Variants in SAMD5 observed in about 807,000 individuals in gnomAD.
The protein encoded by SAMD5 is sterile alpha motif domain containing 5, also known as sterile alpha motif domain-containing protein 5.
A neutral mutation model predicts 11.3 loss-of-function variants in SAMD5; 13 were observed. That is an observed-to-expected ratio of 1.15 (90% CI 0.75 to 1.83). The LOEUF (loss-of-function observed/expected upper bound fraction) is 1.83, where lower values mean the gene tolerates loss of function less well. SAMD5 is among the 40% of genes most tolerant of loss of function. The pLI, the probability that SAMD5 is intolerant of heterozygous loss-of-function variation, is 0.00. For missense variants in SAMD5, 255 were observed against 239.1 expected (o/e 1.07, Z -0.44); for synonymous variants, 129 against 111.3 (o/e 1.16, Z -1.00).
chr6:147,835,501 C>T, the SAMD5 span, among the ~76,000 whole-genome samples: 1 of 152,166 alleles, frequency 6.6e-6, no homozygotes, highest in South Asian at 2.1e-4. Context: ...TATGCCTTTA[C>T]CCTCTTTAGA....
chr6:147,851,717 A>G, the SAMD5 span, among the ~76,000 whole-genome samples: 1 of 152,296 alleles, frequency 6.6e-6, no homozygotes, highest in East Asian at 1.9e-4. Context: ...AAAAATTTTG[A>G]GAATATATTT....
the SAMD5 span, among the ~76,000 whole-genome samples, chr6:147,791,512 A>G: frequency 2.0e-5 from 3 of 152,142 alleles, no homozygotes; most frequent in African/African-American, 7.2e-5. Flanking sequence ...CTTTATGAAT[A>G]CAGCTTGTCT....
the SAMD5 span, among the ~76,000 whole-genome samples, chr6:147,793,646 T>C: frequency 1.3e-5 from 2 of 152,300 alleles, no homozygotes; most frequent in Middle Eastern, 3.4e-3. Context: ...AACAAATTTA[T>C]TGGTACCTAT....
intron 1 of SAMD5, among the ~76,000 whole-genome samples, chr6:147,682,422 C>A (rs1311875542): frequency 6.6e-6 from 1 of 152,070 alleles, no homozygotes; most frequent in South Asian, 2.1e-4. Context: ...TTTGATTGGT[C>A]CACAGTTGGT....
At chr6:147,774,763 AATCTGT>A in the SAMD5 span, among the ~76,000 whole-genome samples, 1 of 152,114 alleles carries the variant, frequency 6.6e-6, no homozygotes, top group Non-Finnish European at 1.5e-5. Context: ...CAGTTGGTTG[AATCTGT>A]GGATGTGGAA....
At chr6:147,694,880 T>C (rs563237562) in intron 1 of SAMD5, among the ~76,000 whole-genome samples, 1 of 152,296 alleles carries the variant, frequency 6.6e-6, no homozygotes, top group African/African-American at 2.4e-5. Context: ...TTCTGGAAAT[T>C]CTGAACTCAT....
At chr6:147,713,070 G>A (rs1027776729) in intron 1 of SAMD5, among the ~76,000 whole-genome samples, 1 of 152,148 alleles carries the variant, frequency 6.6e-6, no homozygotes, top group African/African-American at 2.4e-5. Context: ...GTGATGTCAA[G>A]CATGTTGCTA....
At chr6:147,721,269 G>A (rs1204832244) in intron 1 of SAMD5, among the ~76,000 whole-genome samples, 18 of 142,000 alleles carry the variant, frequency 1.3e-4, no homozygotes, top group Non-Finnish European at 1.2e-4. Context: ...CTGAGGAATC[G>A]CCACACTGAC....
At chr6:147,663,297 AAC>A (rs1298326006) in intron 1 of SAMD5, among the ~76,000 whole-genome samples, 4 of 152,180 alleles carry the variant, frequency 2.6e-5, no homozygotes, top group African/African-American at 7.2e-5. Context: ...TAGAGGGACT[AAC>A]ACACTCTGAG....
In SAMD5 at chr6:147,721,501, T is replaced by G. The variant is rs139219058; in HGVS notation, c.163-15816T>G. On this transcript the variant is annotated intron_variant, in intron 1 of 1. Transcript: ENST00000566741. ...TTTTGACTGCATAAATGTGTTCTTT[T>G]GAGAAGTGTCTGTTCATATCCTTTG... Among the ~76,000 whole-genome samples, 1,039 of 152,376 alleles carry G rather than the reference T, an allele frequency of 6.8e-3. 11 individuals carry two copies. Among genetic ancestry groups the G allele is most frequent in the African/African-American group, 0.024 (993 of 41,592 alleles).
At chr6:147,625,160 A>G (rs1790032476) in intron 1 of SAMD5, among the ~76,000 whole-genome samples, 1 of 152,280 alleles carries the variant, frequency 6.6e-6, no homozygotes, top group African/African-American at 2.4e-5. Flanking sequence ...GATTATCCGC[A>G]TACATATCCC....
At chr6:147,804,264 C>G in the SAMD5 span, among the ~76,000 whole-genome samples, 1 of 151,914 alleles carries the variant, frequency 6.6e-6, no homozygotes, top group African/African-American at 2.4e-5. Flanking sequence ...CACACCACCA[C>G]ACCCAGCTAA....
chr6:147,745,359 ATGTCT>A, the SAMD5 span, among the ~76,000 whole-genome samples: 1 of 152,342 alleles, frequency 6.6e-6, no homozygotes, highest in East Asian at 1.9e-4. Context: ...ATGGAAAAAA[ATGTCT>A]TTACTGGAAA....
chr6:147,913,204 A>G, the SAMD5 span, among the ~76,000 whole-genome samples: 1 of 152,216 alleles, frequency 6.6e-6, no homozygotes, highest in East Asian at 1.9e-4. Context: ...AACCACAATC[A>G]GTGCAAAAAA....
chr6:147,862,252 G>C, the SAMD5 span, among the ~76,000 whole-genome samples: 1 of 151,856 alleles, frequency 6.6e-6, no homozygotes, highest in East Asian at 1.9e-4. Flanking sequence ...TTTCTCCCTC[G>C]AGAGTATGTT....
chr6:147,557,654 T>C lies in SAMD5; in HGVS notation c.460-6740T>C, dbSNP rs146558662. ...CCCTAAATCCAGGATAATTTCATCTTGAGATCCTTAATTAAGAACATCTGC... is the reference window on the plus strand; with the variant it reads ...CCCTAAATCCAGGATAATTTCATCTCGAGATCCTTAATTAAGAACATCTGC... On this transcript the variant is annotated intron_variant, in intron 1 of 1. Coordinates refer to ENST00000367474, the MANE Select transcript of SAMD5 (RefSeq NM_001030060.3). Among the ~76,000 whole-genome samples, 633 of 152,344 alleles carry C rather than the reference T, an allele frequency of 4.2e-3. 2 individuals are homozygous for C. The highest frequency in any genetic ancestry group is 0.014 in the African/African-American group (594 of 41,568).
At chr6:147,679,302 T>C (rs1790907579) in intron 1 of SAMD5, among the ~76,000 whole-genome samples, 1 of 152,150 alleles carries the variant, frequency 6.6e-6, no homozygotes, top group African/African-American at 2.4e-5. Context: ...AGCTTTACAT[T>C]ATAGTCAATG....
the SAMD5 span, among the ~76,000 whole-genome samples, chr6:147,922,852 A>G: frequency 6.6e-6 from 1 of 152,164 alleles, no homozygotes; most frequent in Non-Finnish European, 1.5e-5. Flanking sequence ...GTAATAATGG[A>G]GATGAGTTCT....
chr6:147,812,827 T>C, the SAMD5 span, among the ~76,000 whole-genome samples: 1 of 152,200 alleles, frequency 6.6e-6, no homozygotes, highest in East Asian at 1.9e-4. Flanking sequence ...TAGTATATGT[T>C]GTGGATATAA....
Sources: gnomAD v4.1 joint callset for allele counts (sites outside exome capture counted in the v4.1 genomes callset) on GRCh38, gnomAD v4.1.1 for gene constraint, MANE v1.5 for transcripts, NCBI Gene and HGNC (gene_info 2026-07-23, HGNC 2026-07-21) for gene names.